Variants in FAM133A observed in about 807,000 individuals in gnomAD.
FAM133A encodes family with sequence similarity 133 member A.
For synonymous variants in FAM133A, 65 were observed against 58.6 expected (o/e 1.11, Z -0.50); for missense variants, 159 against 164.4 (o/e 0.97, Z 0.18).
At chrX:93,704,561 T>C (rs138036800) in intron 3 of FAM133A, among the ~76,000 whole-genome samples, 2,028 of 112,066 alleles carry the variant, frequency 0.018, 28 homozygotes, top group East Asian at 0.094. Flanking sequence ...AGAATTTATC[T>C]ACAATTATAC....
chrX:93,708,425 G>A (rs1226010585), intron 3 of FAM133A, among the ~76,000 whole-genome samples: 1 of 111,864 alleles, frequency 8.9e-6, no homozygotes, highest in African/African-American at 3.2e-5. Flanking sequence ...ATAAAAGGGA[G>A]TAAGGTTGGA....
intron 2 of FAM133A, among the ~76,000 whole-genome samples, chrX:93,686,653 G>A (rs1489015705): frequency 8.9e-6 from 1 of 112,067 alleles, no homozygotes; most frequent in Non-Finnish European, 1.9e-5. Flanking sequence ...TTGAGGCTGA[G>A]ATAAACTGGA....
At chrX:93,707,280 A>G (rs1328760991) in intron 3 of FAM133A, among the ~76,000 whole-genome samples, 1 of 111,561 alleles carries the variant, frequency 9.0e-6, no homozygotes, top group Non-Finnish European at 1.9e-5. Flanking sequence ...GCTGCCTATA[A>G]ATAAAGAGGA....
Position 93,696,687 on chromosome X carries a change from G to A in FAM133A, c.-192-1710G>A, listed in dbSNP as rs749736643. Among the ~76,000 whole-genome samples, 66 of 111,395 alleles carry A rather than the reference G, an allele frequency of 5.9e-4. 1 individual carries two copies. The highest frequency in any genetic ancestry group is 1.4e-3 in the Admixed American group (15 of 10,507). On this transcript the variant is annotated intron_variant, in intron 2 of 3. Coordinates refer to ENST00000683942, the MANE Select transcript of FAM133A (RefSeq NM_001171109.2). ...TGTAATCCCAGCAATTTGGGAGGCC[G>A]AGGCGGGGGGATCTCGAGGTCAGGA...
chrX:93,678,936 T>C (rs1924915455), intron 2 of FAM133A, among the ~76,000 whole-genome samples: 1 of 112,147 alleles, frequency 8.9e-6, no homozygotes, highest in Admixed American at 9.5e-5. Flanking sequence ...AGGAGCTGGA[T>C]CTTCATCCTT....
intron 1 of FAM133A, 22 bp downstream of exon 1, chrX:93,674,296 T>C (rs41309526): frequency 9.0e-6 from 1 of 111,632 alleles, no homozygotes; most frequent in Non-Finnish European, 1.9e-5. Flanking sequence ...ACACCATTTT[T>C]ATTATATTTC....
At chrX:93,700,422 A>C (rs1280525406) in intron 3 of FAM133A, among the ~76,000 whole-genome samples, 1 of 111,598 alleles carries the variant, frequency 9.0e-6, no homozygotes, top group Non-Finnish European at 1.9e-5. Flanking sequence ...AATCACCTAC[A>C]TTCAGGTTAT....
chrX:93,673,946 A>T (rs913503609), upstream of FAM133A: 1 of 101,735 alleles, frequency 9.8e-6, no homozygotes, highest in Non-Finnish European at 2.0e-5. Context: ...GCCCACCCTG[A>T]ATTCCCGTTT....
At chrX:93,679,042 C>T (rs1924922318) in intron 2 of FAM133A, among the ~76,000 whole-genome samples, 1 of 111,388 alleles carries the variant, frequency 9.0e-6, no homozygotes, top group African/African-American at 3.3e-5. Context: ...CATAAATGTT[C>T]TTCTATTTTG....
chrX:93,688,486 T>A (rs1456758161), intron 2 of FAM133A, among the ~76,000 whole-genome samples: 3 of 111,533 alleles, frequency 2.7e-5, no homozygotes, highest in East Asian at 5.7e-4. Context: ...TGCCTTACTT[T>A]CCCCATATAG....
intron 2 of FAM133A, among the ~76,000 whole-genome samples, chrX:93,685,184 G>T (rs1418742060): frequency 9.0e-6 from 1 of 110,771 alleles, no homozygotes. Flanking sequence ...TTATTGACTC[G>T]TACAGCTGTT....
intron 2 of FAM133A, among the ~76,000 whole-genome samples, chrX:93,684,852 GC>G (rs1167956446): frequency 1.8e-5 from 2 of 111,936 alleles, no homozygotes; most frequent in Admixed American, 1.9e-4. Context: ...TATACAGAAA[GC>G]TGAAATAGTG....
chrX:93,689,293 C>T (rs891999899), intron 2 of FAM133A, among the ~76,000 whole-genome samples: 5 of 110,808 alleles, frequency 4.5e-5, no homozygotes, highest in African/African-American at 1.3e-4. Context: ...CCTCCCACCT[C>T]GGCCTCCCAA....
intron 2 of FAM133A, among the ~76,000 whole-genome samples, chrX:93,696,852 G>A (rs1259405935): frequency 1.2e-4 from 13 of 109,445 alleles, no homozygotes; most frequent in East Asian, 2.9e-4. Context: ...CCCGGGAAGC[G>A]GAGCTGGCAG....
At chrX:93,676,206 T>C (rs1316491545) in intron 2 of FAM133A, among the ~76,000 whole-genome samples, 3 of 110,924 alleles carry the variant, frequency 2.7e-5, no homozygotes, top group Non-Finnish European at 3.8e-5. Flanking sequence ...AACTAATGAG[T>C]CGGTTTTAAG....
At chrX:93,693,328 G>T (rs1926013372) in intron 2 of FAM133A, among the ~76,000 whole-genome samples, 1 of 111,062 alleles carries the variant, frequency 9.0e-6, no homozygotes, top group Admixed American at 9.6e-5. Context: ...TCTGTATTAT[G>T]TATAGGAGCC....
At chrX:93,679,248 T>C in intron 2 of FAM133A, among the ~76,000 whole-genome samples, 1 of 111,209 alleles carries the variant, frequency 9.0e-6, no homozygotes. Context: ...TAATAAAACA[T>C]TGGTTGTTAT....
intron 3 of FAM133A, among the ~76,000 whole-genome samples, chrX:93,703,640 A>G (rs761966887): frequency 6.1e-4 from 69 of 112,689 alleles, no homozygotes; most frequent in Non-Finnish European, 1.1e-3. Context: ...TCTGAATACA[A>G]AATTCAAAAT....
intron 3 of FAM133A, among the ~76,000 whole-genome samples, chrX:93,699,742 G>T (rs1315783553): frequency 9.1e-6 from 1 of 109,457 alleles, no homozygotes; most frequent in Non-Finnish European, 1.9e-5. Context: ...ACCTCATGAC[G>T]CTTCATATGC....
Sources: gnomAD v4.1 joint callset for allele counts (sites outside exome capture counted in the v4.1 genomes callset) on GRCh38, gnomAD v4.1.1 for gene constraint, MANE v1.5 for transcripts, NCBI Gene and HGNC (gene_info 2026-07-23, HGNC 2026-07-21) for gene names.